Variants in MRPS22 observed in about 807,000 individuals in gnomAD.
The protein encoded by MRPS22 is small ribosomal subunit protein mS22.
A neutral mutation model predicts 44.0 loss-of-function variants in MRPS22; 30 were observed. The observed-to-expected ratio is 0.68, with a 90% CI of 0.51 to 0.93. The LOEUF (loss-of-function observed/expected upper bound fraction) is 0.93. Ranked by LOEUF, MRPS22 falls within the 40% of genes least tolerant of loss-of-function variation. The pLI, the probability that MRPS22 is intolerant of heterozygous loss-of-function variation, is 0.00. For missense variants in MRPS22, 447 were observed against 447.8 expected (o/e 1.00, Z 0.02); for synonymous variants, 165 against 154.4 (o/e 1.07, Z -0.51).
Position 139,344,119 on chromosome 3 carries a change from C to G in MRPS22, c.93C>G (p.Pro31=), listed in dbSNP as rs762501619. 4 of 1,614,122 alleles carry G rather than the reference C, an allele frequency of 2.5e-6. No homozygotes were observed. The highest frequency in any genetic ancestry group is 3.4e-6 in the Non-Finnish European group (4 of 1,180,014). The change falls in exon 1 of 8, where the codon CCC becomes CCG. Residue 31 remains proline, a synonymous_variant. Transcript: ENST00000680020. ...TCTGTTTCCGGGCTCGAATCCAGCC[C>G]TGGCACGGTGGCCTGCTCCAACCGC... The part of the protein sequence containing the change: ...ERVCFRARIQ[P]WHGGLLQPLP...
Position 139,346,973 on chromosome 3 carries a change from A to G in MRPS22, c.268A>G (p.Thr90Ala). Residue 90 changes from threonine to alanine, a missense_variant, in exon 2 of 8, where the codon ACT (threonine) becomes GCT (alanine). Physicochemically the swap from Thr to Ala is moderately conservative, Grantham distance 58 (BLOSUM62 0). Transcript: ENST00000680020. The part of the protein sequence containing the change: ...TKMTGLNLQK[T>A]FKPAIQELKP... ...AATGACAGGCTTGAACTTGCAGAAGACTTTTAAGCCAGCTATACAAGAACT... is the reference window on the plus strand; with the variant it reads ...AATGACAGGCTTGAACTTGCAGAAGGCTTTTAAGCCAGCTATACAAGAACT... 1 of 1,614,196 alleles carries G rather than the reference A, an allele frequency of 6.2e-7. No homozygotes were observed. The highest frequency in any genetic ancestry group is 8.5e-7 in the Non-Finnish European group (1 of 1,180,016).
chr3:139,348,167 G>A lies in MRPS22; in HGVS notation c.347G>A (p.Arg116Lys). The A allele has an allele frequency of 6.2e-7, 1 of 1,614,024 alleles. No individual in the cohort carries two copies. The highest frequency in any genetic ancestry group is 8.5e-7 in the Non-Finnish European group (1 of 1,180,004). ...AATATTTTCTTTCATTAGGCTACAA[G>A]ACAGGCAGTTGAGGCAGCTAAAGTA... The part of the protein sequence containing the change: ...MTQAQLEEAT[R>K]QAVEAAKVRL... The change falls in exon 3 of 8, where the codon AGA becomes AAA. Residue 116 changes from arginine (R) to lysine (K), a missense_variant. Physicochemically the swap from Arg to Lys is conservative, Grantham distance 26. Transcript: ENST00000680020.
chr3:139,350,437 T>A (rs1941124179), intron 4 of MRPS22, 115 bp downstream of exon 4: 3 of 1,325,014 alleles, frequency 2.3e-6, no homozygotes, highest in African/African-American at 1.5e-5. Context: ...TGACTTTTTT[T>A]TTTTTTTGAA....
chr3:139,351,454 A>C (rs1056486294), intron 5 of MRPS22: 6 of 335,170 alleles, frequency 1.8e-5, no homozygotes, highest in Non-Finnish European at 3.5e-5. Context: ...TCTATGTGTA[A>C]GGTATTATCT....
At chr3:139,353,433 GCAGC>G (rs1355842438) in intron 6 of MRPS22, among the ~76,000 whole-genome samples, 2 of 152,178 alleles carry the variant, frequency 1.3e-5, no homozygotes, top group Non-Finnish European at 2.9e-5. Flanking sequence ...TGACAAGGAA[GCAGC>G]ATGGCTGTAG....
At chr3:139,350,029 C>G (rs1438667223) in intron 3 of MRPS22, 150 bp from the exon 4 acceptor site, 3 of 874,332 alleles carry the variant, frequency 3.4e-6, no homozygotes, top group Non-Finnish European at 1.8e-6. Flanking sequence ...CTTGCCAAGT[C>G]TTTGAGGTTT....
At position 139,357,038 on chromosome 3, in the gene MRPS22, T is replaced by C; in HGVS notation, c.*24T>C. 1 of 1,502,432 alleles carries C rather than the reference T, an allele frequency of 6.7e-7. No individual in the cohort carries two copies. Among genetic ancestry groups the C allele is most frequent in the South Asian group, 1.1e-5 (1 of 87,128 alleles). 93.1% of individuals were successfully genotyped at this position (1,502,432 alleles called of 1,614,324 possible). ...AAAAATATTTTAAAAATACATTTAT[T>C]TTACTAAATACTGACTACATTTCTC... is the stretch of plus-strand genomic sequence containing the variant. On this transcript the variant is annotated 3_prime_UTR_variant, in exon 8 of 8. Coordinates refer to ENST00000680020, the MANE Select transcript of MRPS22 (RefSeq NM_020191.4).
At chr3:139,355,075 A>G (rs1347210101) in intron 6 of MRPS22, among the ~76,000 whole-genome samples, 1 of 152,226 alleles carries the variant, frequency 6.6e-6, no homozygotes, top group Non-Finnish European at 1.5e-5. Context: ...TTGCTGATGT[A>G]GAACCCGATT....
At position 139,356,961 on chromosome 3, in the gene MRPS22, C is replaced by T. The variant is rs1002509862; in HGVS notation, c.1030C>T (p.Leu344=). ...AGCACAGAAGGGAGCCTATATAGAA[C>T]TAACACTGCAGACTTATCAAGAAGC... is the stretch of plus-strand genomic sequence containing the variant. ...TEAQKGAYIE[L]TLQTYQEALS... Residue 344 remains leucine, a synonymous_variant, in exon 8 of 8, where the codon CTA becomes TTA. Coordinates refer to ENST00000680020, the MANE Select transcript of MRPS22 (RefSeq NM_020191.4). 2.5e-6 allele frequency: 4 copies of T among 1,613,070 alleles called. No individual in the cohort carries two copies. Among genetic ancestry groups the T allele is most frequent in the Admixed American group, 1.7e-5 (1 of 59,992 alleles).
At position 139,344,657 on chromosome 3, in the gene MRPS22, G is replaced by A. The variant is rs1411717011; in HGVS notation, c.172+459G>A. 6 of 695,110 alleles carry A rather than the reference G, an allele frequency of 8.6e-6. No individual in the cohort carries two copies. The East Asian group carries it at 1.3e-4, about 16-fold the overall frequency. 43.1% of individuals were successfully genotyped at this position (695,110 alleles called of 1,614,324 possible). ...AAAGCAAGAAGCTTCTCAAGCATAGGGGACAGTAGCAGATGTCCAGAAATG... is the reference window on the plus strand; with the variant it reads ...AAAGCAAGAAGCTTCTCAAGCATAGAGGACAGTAGCAGATGTCCAGAAATG... On this transcript the variant is annotated intron_variant, in intron 1 of 7. Coordinates refer to ENST00000680020, the MANE Select transcript of MRPS22 (RefSeq NM_020191.4).
intron 3 of MRPS22, among the ~76,000 whole-genome samples, chr3:139,349,698 A>G (rs1010706540): frequency 1.7e-4 from 26 of 152,226 alleles, no homozygotes; most frequent in African/African-American, 6.0e-4. Context: ...CCTCTCAGAC[A>G]TGTTTATGTC....
Position 139,352,723 on chromosome 3 carries a change from G to T in MRPS22, c.809G>T (p.Gly270Val). 6.2e-7 allele frequency: 1 copy of T among 1,613,484 alleles called. No homozygotes were observed. The change falls in exon 6 of 8, where the codon GGA (glycine) becomes GTA (valine). Residue 270 changes from glycine (G) to valine (V), a missense_variant. By Grantham distance (109) the Gly-to-Val change is moderately radical (BLOSUM62 -3). Coordinates refer to ENST00000680020, the MANE Select transcript of MRPS22 (RefSeq NM_020191.4). The stretch of plus-strand genomic sequence containing the variant: ...TTACGTTCAACAAGATACTTTGGTG[G>T]AATGGTGTGGTATTTTGTAAATAAT... ...DLLRSTRYFG[G>V]MVWYFVNNKK...
At chr3:139,352,313 G>T in intron 5 of MRPS22, 1 of 266,746 alleles carries the variant, frequency 3.7e-6, no homozygotes, top group South Asian at 4.6e-5. Flanking sequence ...TTATTCTGTG[G>T]CCTGCCATGC....
chr3:139,344,876 G>A (rs1476767116), intron 1 of MRPS22, among the ~76,000 whole-genome samples: 1 of 152,174 alleles, frequency 6.6e-6, no homozygotes, highest in Non-Finnish European at 1.5e-5. Flanking sequence ...GGGGGCGGGG[G>A]TAGTGCAGGA....
intron 6 of MRPS22, among the ~76,000 whole-genome samples, chr3:139,353,788 G>A (rs560895350): frequency 6.1e-4 from 93 of 152,146 alleles, no homozygotes; most frequent in Non-Finnish European, 1.1e-3. Context: ...ATAATTGGGG[G>A]CTGGTGTTGA....
chr3:139,348,350 G>C lies in MRPS22; in HGVS notation c.504+26G>C, dbSNP rs1420647678. On this transcript the variant is annotated intron_variant, in intron 3 of 7. Coordinates refer to ENST00000680020, the MANE Select transcript of MRPS22 (RefSeq NM_020191.4). ...GTGAGTATATGTCTAATCGCAAAAT[G>C]ATCTTTCTTTGAAATACTATGTGGA... is the stretch of plus-strand genomic sequence containing the variant. 2.5e-6 allele frequency: 4 copies of C among 1,609,406 alleles called. No individual in the cohort carries two copies. The African/African-American group carries it at 5.3e-5, about 22-fold the overall frequency.
chr3:139,347,841 C>G (rs900881992), intron 2 of MRPS22, among the ~76,000 whole-genome samples: 1 of 152,222 alleles, frequency 6.6e-6, no homozygotes, highest in African/African-American at 2.4e-5. Flanking sequence ...ACTGTTTGAA[C>G]ACTATCTGGC....
intron 1 of MRPS22, among the ~76,000 whole-genome samples, chr3:139,344,969 A>G (rs190255110): frequency 2.6e-5 from 4 of 152,318 alleles, no homozygotes; most frequent in African/African-American, 9.6e-5. Context: ...TTAAGAGTCA[A>G]CTGTTTAGTA....
intron 5 of MRPS22, 42 bp from the exon 6 acceptor site, chr3:139,352,605 C>A: frequency 6.3e-7 from 1 of 1,588,012 alleles, no homozygotes; most frequent in Non-Finnish European, 8.6e-7. Flanking sequence ...CTGCATACTT[C>A]TTATTTTCAT....
Sources: allele counts gnomAD v4.1 joint callset (sites outside exome capture counted in the v4.1 genomes callset), GRCh38; gene constraint gnomAD v4.1.1; transcripts MANE v1.5; gene names NCBI Gene and HGNC (gene_info 2026-07-23, HGNC 2026-07-21).